The following EFTUD2 variants were observed in gnomAD, a reference collection of about 807,000 sequenced individuals.
EFTUD2 encodes the protein elongation factor Tu GTP binding domain containing 2, also known as 116 kDa U5 small nuclear ribonucleoprotein component.
EFTUD2 carries 9 observed loss-of-function variants against 114.3 expected under a neutral mutation model. The observed-to-expected ratio is 0.08, with a 90% CI of 0.05 to 0.14. The LOEUF (loss-of-function observed/expected upper bound fraction) is 0.14. Among genes scored for constraint, EFTUD2 ranks in the 10% least tolerant of loss-of-function variants. The pLI, the probability that EFTUD2 is intolerant of heterozygous loss-of-function variation, is 1.00. For missense variants in EFTUD2, 765 were observed against 1,241.2 expected (o/e 0.62, Z 5.76); for synonymous variants, 449 against 462.3 (o/e 0.97, Z 0.37).
At chr17:44,862,365 G>A (rs1014986590) in intron 16 of EFTUD2, among the ~76,000 whole-genome samples, 1 of 152,144 alleles carries the variant, frequency 6.6e-6, no homozygotes, top group African/African-American at 2.4e-5. Context: ...AGCCCAGGAG[G>A]CGGAGGTCGC....
chr17:44,886,035 A>T (rs1361306589), intron 3 of EFTUD2, among the ~76,000 whole-genome samples: 2 of 152,092 alleles, frequency 1.3e-5, no homozygotes, highest in Non-Finnish European at 2.9e-5. Context: ...TCAGGAGTTC[A>T]AGACCAGCCA....
intron 25 of EFTUD2, 101 bp from the exon 26 acceptor site, chr17:44,852,663 G>T: frequency 7.2e-7 from 1 of 1,387,002 alleles, no homozygotes; most frequent in Non-Finnish European, 9.9e-7. Context: ...CCAGCCCAGA[G>T]TTACCATCAA....
At chr17:44,861,500 G>A (rs2050659520) in intron 16 of EFTUD2, among the ~76,000 whole-genome samples, 1 of 151,434 alleles carries the variant, frequency 6.6e-6, no homozygotes, top group South Asian at 2.1e-4. Flanking sequence ...TTGGGAGGCT[G>A]AGGCAGGTGG....
intron 6 of EFTUD2, among the ~76,000 whole-genome samples, chr17:44,882,743 C>T (rs2145544671): frequency 6.6e-6 from 1 of 152,202 alleles, no homozygotes; most frequent in East Asian, 1.9e-4. Flanking sequence ...CATTCACAGG[C>T]ATTTAAATTT....
chr17:44,877,326 G>A (rs539114998), intron 9 of EFTUD2, among the ~76,000 whole-genome samples: 2 of 152,184 alleles, frequency 1.3e-5, no homozygotes, highest in African/African-American at 4.8e-5. Context: ...ACGATGAGGC[G>A]TGAAAAAGAT....
intron 7 of EFTUD2, 144 bp downstream of exon 7, chr17:44,881,543 G>A (rs2051072757): frequency 1.2e-6 from 1 of 869,448 alleles, no homozygotes; most frequent in Non-Finnish European, 1.8e-6. Context: ...ACTGGGGGAA[G>A]AAGGAGATGG....
In EFTUD2 at chr17:44,853,541, T is replaced by C; in HGVS notation, c.2442A>G (p.Arg814=). The change falls in exon 24 of 28, where the codon AGA becomes AGG. Residue 814 remains arginine, a synonymous_variant. Transcript: ENST00000426333. ...CCATGAGGAAGGCAGAGTAGACGAC[T>C]CTCCTGGCTGTGGGGATGATCTGGC... ...GGGQIIPTAR[R]VVYSAFLMAT... is the part of the protein sequence containing the mutation. 4 of 1,614,164 alleles carry C rather than the reference T, an allele frequency of 2.5e-6. No individual in the cohort carries two copies. Among genetic ancestry groups the C allele is most frequent in the Non-Finnish European group, 3.4e-6 (4 of 1,180,022 alleles).
At position 44,850,431 on chromosome 17, in the gene EFTUD2, T is replaced by C. The variant is rs754749097; in HGVS notation, c.*843A>G. 1.3e-6 allele frequency: 2 copies of C among 1,488,098 alleles called. No homozygotes were observed. Among genetic ancestry groups the C allele is most frequent in the Non-Finnish European group, 1.9e-6 (2 of 1,069,154 alleles). 92.2% of individuals were successfully genotyped at this position (1,488,098 alleles called of 1,614,324 possible). A position where few individuals can be genotyped will look rare whatever the true frequency, so the allele number is the denominator to read the frequency against. On this transcript the variant is annotated 3_prime_UTR_variant, in exon 28 of 28. Transcript: ENST00000426333. The stretch of plus-strand genomic sequence containing the variant: ...AGGAGCCGGGGCTGTCCAACTCCCC[T>C]AACTCAATCCCTGGTACATTCCTAA...
At chr17:44,892,755 A>G (rs1486506173) in intron 2 of EFTUD2, among the ~76,000 whole-genome samples, 1 of 145,194 alleles carries the variant, frequency 6.9e-6, no homozygotes, top group Non-Finnish European at 1.5e-5. Context: ...CTCCTGCCTC[A>G]GCCTCCTGAG....
chr17:44,881,633 T>C (rs2051074657), intron 7 of EFTUD2, 54 bp downstream of exon 7: 1 of 1,593,816 alleles, frequency 6.3e-7, no homozygotes, highest in Non-Finnish European at 8.6e-7. Flanking sequence ...CCTACAAAAC[T>C]ATTACTGGTG....
intron 10 of EFTUD2, 80 bp from the exon 11 acceptor site, chr17:44,872,650 G>GT (rs2050876748): frequency 1.4e-6 from 2 of 1,474,254 alleles, no homozygotes; most frequent in African/African-American, 2.8e-5. Context: ...CAGGAACTCG[G>GT]TATCACAGCC....
intron 8 of EFTUD2, among the ~76,000 whole-genome samples, chr17:44,879,933 T>G (rs1252836030): frequency 6.6e-6 from 1 of 151,840 alleles, no homozygotes; most frequent in African/African-American, 2.4e-5. Context: ...TAGAGTTCTG[T>G]GGGATTCAAG....
intron 25 of EFTUD2, among the ~76,000 whole-genome samples, chr17:44,853,071 G>A (rs1007341291): frequency 4.6e-5 from 7 of 152,066 alleles, no homozygotes; most frequent in African/African-American, 7.2e-5. Context: ...TAGTAGAGAC[G>A]GGGTTTCACT....
chr17:44,862,985 G>T, intron 15 of EFTUD2, 79 bp from the exon 16 acceptor site: 1 of 1,215,966 alleles, frequency 8.2e-7, no homozygotes. Context: ...TTCCTTGACA[G>T]CAAGGACATG....
rs555265658 is a variant in EFTUD2, at chr17:44,871,520, T to C, written c.994+926A>G. Among the ~76,000 whole-genome samples the C allele has an allele frequency of 1.1e-4, 17 of 151,544 alleles. No individual in the cohort carries two copies. The East Asian group carries it at 3.3e-3, about 30-fold the overall frequency. On this transcript the variant is annotated intron_variant, in intron 11 of 27. Transcript: ENST00000426333. ...CGCCTGGCTAATTTTTTTGCATTTTTAGTAGAGACGGGATTTCACCGTGTT... is the reference window on the plus strand; with the variant it reads ...CGCCTGGCTAATTTTTTTGCATTTTCAGTAGAGACGGGATTTCACCGTGTT...
At chr17:44,878,255 G>A (rs1406807872) in intron 9 of EFTUD2, among the ~76,000 whole-genome samples, 1 of 152,196 alleles carries the variant, frequency 6.6e-6, no homozygotes, top group East Asian at 1.9e-4. Context: ...GTTTGATAAG[G>A]AGAAGAATAA....
chr17:44,851,773 G>C lies in EFTUD2; in HGVS notation c.2760C>G (p.Pro920=). ...GGTGAGGAGCTGGCTGTGGCTCCAA[G>C]GGGCGGATGACAATGCTCTTGTCCA... The part of the protein sequence containing the change: ...DPLDKSIVIR[P]LEPQPAPHLA... Residue 920 remains proline, a synonymous_variant, in exon 27 of 28, where the codon CCC becomes CCG. Transcript: ENST00000426333. 3.1e-6 allele frequency: 5 copies of C among 1,604,974 alleles called. No individual in the cohort carries two copies. The highest frequency in any genetic ancestry group is 3.4e-6 in the Non-Finnish European group (4 of 1,177,410).
At chr17:44,871,393 G>A (rs985316328) in intron 11 of EFTUD2, among the ~76,000 whole-genome samples, 1 of 150,944 alleles carries the variant, frequency 6.6e-6, no homozygotes, top group Non-Finnish European at 1.5e-5. Context: ...AGGCTGGAGT[G>A]CAGTGGCGTG....
At chr17:44,875,903 G>A (rs1242040274) in intron 10 of EFTUD2, 31 bp downstream of exon 10, 6 of 1,605,166 alleles carry the variant, frequency 3.7e-6, no homozygotes, top group Non-Finnish European at 5.1e-6. Flanking sequence ...AGCCTCCGAG[G>A]ACAGGAAATC....
Sources: gnomAD v4.1 joint callset for allele counts (sites outside exome capture counted in the v4.1 genomes callset) on GRCh38, gnomAD v4.1.1 for gene constraint, MANE v1.5 for transcripts, NCBI Gene and HGNC (gene_info 2026-07-23, HGNC 2026-07-21) for gene names.